The following IPCEF1 variants were observed in gnomAD, a reference collection of about 807,000 sequenced individuals.
IPCEF1 encodes the protein interactor protein for cytohesin exchange factors 1.
Under a neutral mutation model 50.9 loss-of-function variants are expected in IPCEF1, and 31 were observed. The ratio of observed to expected loss-of-function variants is 0.61; its 90% CI spans 0.46 to 0.82. The LOEUF (loss-of-function observed/expected upper bound fraction) is 0.82. IPCEF1 is among the 40% of genes least tolerant of loss of function. The probability of loss-of-function intolerance (pLI) is 0.00; values close to 1 mark genes in which losing one functional copy is unlikely to be tolerated. For synonymous variants in IPCEF1, 181 were observed against 192.0 expected, an observed-to-expected ratio of 0.94 and a Z score of 0.47; for missense variants, 458 against 514.0, an observed-to-expected ratio of 0.89 and a Z score of 1.05.
At chr6:154,226,150 A>T (rs949631591) in intron 5 of IPCEF1, among the ~76,000 whole-genome samples, 2 of 152,138 alleles carry the variant, frequency 1.3e-5, no homozygotes, top group Non-Finnish European at 2.9e-5. Flanking sequence ...TTTTTGTTCC[A>T]AAACTCTCTA....
At chr6:154,310,841 G>C (rs1249978239) in intron 1 of IPCEF1, among the ~76,000 whole-genome samples, 3 of 152,066 alleles carry the variant, frequency 2.0e-5, no homozygotes, top group Non-Finnish European at 4.4e-5. Flanking sequence ...ATTACTAGGG[G>C]CTGGGGATGG....
Position 154,158,476 on chromosome 6 carries a change from T to TAA in IPCEF1, c.*1350_*1351dup, listed in dbSNP as rs1315616386. On this transcript the variant is annotated 3_prime_UTR_variant, in exon 12 of 12. Coordinates refer to ENST00000367220, the MANE Select transcript of IPCEF1 (RefSeq NM_001130700.2). ...TTGCAGGCATAAATGGCACAAAGCTTAAAGTTTATTTAATAGAAAGGATAA... is the reference window on the plus strand; with the variant it reads ...TTGCAGGCATAAATGGCACAAAGCTTAAAAAGTTTATTTAATAGAAAGGATAA... 1 of 152,224 alleles carries TAA rather than the reference T, an allele frequency of 6.6e-6. No individual in the cohort carries two copies. The highest frequency in any genetic ancestry group is 1.5e-5 in the Non-Finnish European group (1 of 68,036). The allele number at this position is 152,224 out of a possible 1,614,324, so 9.4% of individuals were successfully genotyped here. A position where few individuals can be genotyped will look rare whatever the true frequency, so the allele number is the denominator to read the frequency against.
chr6:154,218,929 A>C (rs1054775833), intron 7 of IPCEF1: 2 of 152,206 alleles, frequency 1.3e-5, no homozygotes, highest in Non-Finnish European at 2.9e-5. Flanking sequence ...AAATGAACAG[A>C]TCTTCATAGC....
chr6:154,291,247 T>C (rs910578656), intron 1 of IPCEF1, among the ~76,000 whole-genome samples: 4 of 152,370 alleles, frequency 2.6e-5, no homozygotes, highest in Middle Eastern at 3.4e-3. Flanking sequence ...CCTAAAAGCA[T>C]ACATTTATAA....
In IPCEF1 at chr6:154,298,994, T is replaced by C. The variant is rs1404971923; in HGVS notation, c.-61-9238A>G. The stretch of plus-strand genomic sequence containing the variant: ...AAAAAAAAGATTACCAATATTAGCA[T>C]TGTGCACATGCATACACACATAATC... On this transcript the variant is annotated intron_variant, in intron 1 of 11. Transcript: ENST00000367220. 3.6e-5 allele frequency among the ~76,000 whole-genome samples: 5 copies of C among 140,316 alleles called. 1 individual carries two copies. Among genetic ancestry groups the C allele is most frequent in the African/African-American group, 1.3e-4 (5 of 39,418 alleles). The allele number at this position is 140,316 out of a possible 152,430, so 92.1% of individuals were successfully genotyped here. A position where few individuals can be genotyped will look rare whatever the true frequency, so the allele number is the denominator to read the frequency against.
intron 10 of IPCEF1, among the ~76,000 whole-genome samples, chr6:154,189,314 T>C (rs1325158923): frequency 6.6e-6 from 1 of 152,222 alleles, no homozygotes; most frequent in Non-Finnish European, 1.5e-5. Context: ...AACCAATTTA[T>C]AAAGCAATTT....
At chr6:154,175,681 T>G (rs1800261551) in intron 10 of IPCEF1, among the ~76,000 whole-genome samples, 1 of 152,072 alleles carries the variant, frequency 6.6e-6, no homozygotes, top group African/African-American at 2.4e-5. Context: ...CAATAATTAA[T>G]AGCCTACCAA....
intron 1 of IPCEF1, among the ~76,000 whole-genome samples, chr6:154,321,503 C>A (rs1783374420): frequency 6.6e-6 from 1 of 151,950 alleles, no homozygotes; most frequent in African/African-American, 2.4e-5. Context: ...CCAGGTCAGG[C>A]GTTGTGGCTC....
At chr6:154,250,890 A>G (rs1781321154) in intron 3 of IPCEF1, among the ~76,000 whole-genome samples, 1 of 152,200 alleles carries the variant, frequency 6.6e-6, no homozygotes, top group Non-Finnish European at 1.5e-5. Context: ...AAACCCTCAC[A>G]TCATTGACAG....
intron 6 of IPCEF1, chr6:154,222,909 T>A (rs1437939982): frequency 4.0e-6 from 2 of 500,606 alleles, no homozygotes; most frequent in African/African-American, 1.9e-5. Flanking sequence ...GTTTATTCCA[T>A]CACAGACACA....
At chr6:154,322,055 A>C (rs1783396272) in intron 1 of IPCEF1, among the ~76,000 whole-genome samples, 1 of 152,162 alleles carries the variant, frequency 6.6e-6, no homozygotes, top group South Asian at 2.1e-4. Flanking sequence ...AAATTCAATC[A>C]ATATATATCA....
At chr6:154,200,172 G>T in intron 9 of IPCEF1, 132 bp from the exon 10 acceptor site, 1 of 772,980 alleles carries the variant, frequency 1.3e-6, no homozygotes, top group Non-Finnish European at 2.0e-6. Context: ...AGAGTCAAAA[G>T]GTAAAGATAT....
intron 1 of IPCEF1, among the ~76,000 whole-genome samples, chr6:154,300,164 C>CTCT (rs1037280171): frequency 4.2e-5 from 6 of 141,644 alleles, no homozygotes; most frequent in African/African-American, 1.5e-4. Context: ...GCAGGCAGAC[C>CTCT]TCTTTGTGGG....
intron 1 of IPCEF1, among the ~76,000 whole-genome samples, chr6:154,337,974 T>C (rs1783824898): frequency 6.6e-6 from 1 of 152,068 alleles, no homozygotes; most frequent in Admixed American, 6.5e-5. Flanking sequence ...CTCAGAAGAG[T>C]TAAGTGGCCT....
chr6:154,344,616 C>A (rs899653505), intron 1 of IPCEF1, among the ~76,000 whole-genome samples: 1 of 152,130 alleles, frequency 6.6e-6, no homozygotes, highest in African/African-American at 2.4e-5. Flanking sequence ...TATAGGAGTG[C>A]TCAATATGCC....
At chr6:154,263,280 G>C (rs1781651602) in intron 3 of IPCEF1, among the ~76,000 whole-genome samples, 1 of 146,110 alleles carries the variant, frequency 6.8e-6, no homozygotes, top group South Asian at 2.2e-4. Context: ...TCATTCTTGG[G>C]TGTTTCTCGC....
chr6:154,254,795 T>A (rs11963573), intron 3 of IPCEF1, among the ~76,000 whole-genome samples: 8,465 of 152,278 alleles, frequency 0.056, 389 homozygotes, highest in African/African-American at 0.12. Context: ...TGATTTTTTT[T>A]AATATAACAT....
intron 2 of IPCEF1, among the ~76,000 whole-genome samples, chr6:154,279,934 AAATGTT>A (rs564585473): frequency 3.1e-4 from 47 of 152,280 alleles, no homozygotes; most frequent in East Asian, 7.7e-4. Context: ...AACAATCAGG[AAATGTT>A]AATGTTAATG....
chr6:154,273,885 C>T (rs1434237444), intron 2 of IPCEF1, among the ~76,000 whole-genome samples: 5 of 150,888 alleles, frequency 3.3e-5, no homozygotes, highest in Non-Finnish European at 7.4e-5. Context: ...TCCAGAGTAG[C>T]TGGGACTGCA....
Sources: gnomAD v4.1 joint callset for allele counts (sites outside exome capture counted in the v4.1 genomes callset) on GRCh38, gnomAD v4.1.1 for gene constraint, MANE v1.5 for transcripts, NCBI Gene and HGNC (gene_info 2026-07-23, HGNC 2026-07-21) for gene names.